The following TJP1 variants were observed in gnomAD, a reference collection of about 807,000 sequenced individuals.
The protein encoded by TJP1 is tight junction protein 1.
Under a neutral mutation model 194.2 loss-of-function variants are expected in TJP1, and 43 were observed. That is an observed-to-expected ratio of 0.22 (90% CI 0.17 to 0.29). The LOEUF is 0.29. TJP1 is among the 10% of genes least tolerant of loss of function. TJP1 has a pLI of 1.00. For synonymous variants in TJP1, 801 were observed against 779.0 expected, an observed-to-expected ratio of 1.03 and a Z score of -0.47; for missense variants, 1,971 against 2,185.7, an observed-to-expected ratio of 0.90 and a Z score of 1.96.
At position 29,766,340 on chromosome 15, in the gene TJP1, T is replaced by A. The variant is rs1221653720; in HGVS notation, c.515A>T (p.Asp172Val). ...CTGGCTGGAAGCCACTGACCGCCTG[T>A]CTGACCGCGGGGACAAGCTCCTCTC... is the stretch of plus-strand genomic sequence containing the variant. The part of the protein sequence containing the change: ...SRERSLSPRS[D>V]RRSVASSQPA... The change falls in exon 5 of 28, where the codon GAC becomes GTC. Residue 172 changes from aspartate to valine, a missense_variant. Physicochemically the swap from Asp to Val is radical, Grantham distance 152. Transcript: ENST00000614355. 6.2e-7 allele frequency: 1 copy of A among 1,614,238 alleles called. No individual in the cohort carries two copies. Among genetic ancestry groups the A allele is most frequent in the South Asian group, 1.1e-5 (1 of 91,084 alleles).
chr15:29,790,229 T>C (rs559571037), intron 2 of TJP1, among the ~76,000 whole-genome samples: 50 of 152,208 alleles, frequency 3.3e-4, no homozygotes, highest in Admixed American at 5.9e-4. Flanking sequence ...GATCCTGCTC[T>C]AGATAGTCTA....
At chr15:29,910,655 G>A (rs1183078737) in intron 2 of TJP1, among the ~76,000 whole-genome samples, 2 of 152,164 alleles carry the variant, frequency 1.3e-5, no homozygotes, top group Non-Finnish European at 2.9e-5. Flanking sequence ...AATAATACTA[G>A]TGATAAAAAT....
rs759039330 is a variant in TJP1, at chr15:29,709,049, C to A, written c.4373-13G>T. ...GACACTGAATTACCTGAAAAACAAA[C>A]GTAAGCATTTAAATAACTTTCTGAA... On this transcript the variant is annotated splice_polypyrimidine_tract_variant and intron_variant, in intron 24 of 27. Transcript: ENST00000614355. 9 of 1,594,572 alleles carry A rather than the reference C, an allele frequency of 5.6e-6. No homozygotes were observed. The African/African-American group carries it at 8.1e-5, about 14-fold the overall frequency.
upstream of TJP1, among the ~76,000 whole-genome samples, chr15:29,825,478 C>T (rs988196743): frequency 4.6e-5 from 7 of 152,100 alleles, no homozygotes; most frequent in Non-Finnish European, 7.4e-5. Flanking sequence ...TTGGTGTCTG[C>T]GGCTCAGAAT....
At chr15:29,950,391 T>G (rs570048794) in intron 2 of TJP1, among the ~76,000 whole-genome samples, 1 of 144,832 alleles carries the variant, frequency 6.9e-6, no homozygotes, top group Admixed American at 6.8e-5. Flanking sequence ...TCCACCACCA[T>G]AACCACCACC....
chr15:29,766,508 A>G lies in TJP1; in HGVS notation c.347T>C (p.Val116Ala). 3 of 1,586,270 alleles carry G rather than the reference A, an allele frequency of 1.9e-6. No homozygotes were observed. The highest frequency in any genetic ancestry group is 2.6e-6 in the Non-Finnish European group (3 of 1,166,706). Reference sequence around the variant, plus strand: ...TACTGGTTCAGGATCAGGACGACTTACTGGTATTTGAACTTTCTTCTTCCT... The same window carrying G: ...TACTGGTTCAGGATCAGGACGACTTGCTGGTATTTGAACTTTCTTCTTCCT... ...IRRKKKVQIP[V>A]SRPDPEPVSD... Residue 116 changes from valine to alanine, a missense_variant, in exon 5 of 28, where the codon GTA becomes GCA. Around this residue, in one of 5 missense-constraint regions of TJP1, gnomAD observed 245 missense variants for 336.6 expected, o/e 0.73. Transcript: ENST00000614355.
At chr15:29,704,387 A>C in intron 26 of TJP1, 82 bp from the exon 27 acceptor site, 1 of 1,487,560 alleles carries the variant, frequency 6.7e-7, no homozygotes, top group Non-Finnish European at 9.1e-7. Context: ...CCTGCTTCTA[A>C]TTATATGCTT....
intron 2 of TJP1, among the ~76,000 whole-genome samples, chr15:29,886,160 A>T (rs2053108606): frequency 6.6e-6 from 1 of 152,270 alleles, no homozygotes; most frequent in African/African-American, 2.4e-5. Context: ...CTTAAACATC[A>T]GCAGTGTAGA....
At chr15:29,909,747 G>A (rs892588258) in intron 2 of TJP1, among the ~76,000 whole-genome samples, 4 of 151,814 alleles carry the variant, frequency 2.6e-5, no homozygotes, top group African/African-American at 4.8e-5. Flanking sequence ...TGAGGTGAGC[G>A]GGGCATCCTA....
At chr15:29,746,987 T>G (rs2044833028) in intron 8 of TJP1, among the ~76,000 whole-genome samples, 1 of 151,482 alleles carries the variant, frequency 6.6e-6, no homozygotes, top group East Asian at 1.9e-4. Flanking sequence ...GATTGGCCGG[T>G]TAAATATGCA....
At chr15:29,843,176 T>A (rs1336557305) in intron 2 of TJP1, among the ~76,000 whole-genome samples, 1 of 139,142 alleles carries the variant, frequency 7.2e-6, no homozygotes, top group Non-Finnish European at 1.6e-5. Context: ...TTTTTTTTCT[T>A]TTTTCTTTTC....
At chr15:29,861,132 C>A (rs2052065972) in intron 2 of TJP1, among the ~76,000 whole-genome samples, 1 of 152,156 alleles carries the variant, frequency 6.6e-6, no homozygotes, top group Non-Finnish European at 1.5e-5. Flanking sequence ...GTTTTCAATT[C>A]TCTTGGGTAT....
intron 8 of TJP1, among the ~76,000 whole-genome samples, chr15:29,749,071 T>A (rs78856299): frequency 0.023 from 3,515 of 152,168 alleles, 48 homozygotes; most frequent in South Asian, 0.053. Context: ...AAGGAAACTT[T>A]GGGCATTTTA....
intron 8 of TJP1, among the ~76,000 whole-genome samples, chr15:29,751,336 A>G (rs1240871379): frequency 3.3e-5 from 5 of 152,226 alleles, no homozygotes. Flanking sequence ...TAAAACATAC[A>G]TGTGTTCATG....
Position 29,907,783 on chromosome 15 carries a change from C to T in TJP1, c.306+48449G>A, listed in dbSNP as rs572554115. Among the ~76,000 whole-genome samples, 399 of 152,072 alleles carry T rather than the reference C, an allele frequency of 2.6e-3. 1 individual carries two copies. Among genetic ancestry groups the T allele is most frequent in the Non-Finnish European group, 3.9e-3 (263 of 68,006 alleles). ...ACCTCTTCCATTCCTCCCAGCTTCCCCCAGGTTCCCGCGACCTCTTTTTCT... is the reference window on the plus strand; with the variant it reads ...ACCTCTTCCATTCCTCCCAGCTTCCTCCAGGTTCCCGCGACCTCTTTTTCT... On this transcript the variant is annotated intron_variant, in intron 2 of 28. Transcript: ENST00000356107.
chr15:29,840,505 G>A (rs556974204), intron 2 of TJP1, among the ~76,000 whole-genome samples: 40 of 152,258 alleles, frequency 2.6e-4, no homozygotes, highest in African/African-American at 8.7e-4. Flanking sequence ...AGACAGGCTC[G>A]GCAGACTTTC....
At chr15:29,755,861 C>T (rs2045610812) in intron 8 of TJP1, among the ~76,000 whole-genome samples, 2 of 152,098 alleles carry the variant, frequency 1.3e-5, no homozygotes, top group Admixed American at 6.5e-5. Context: ...CAATTTCATC[C>T]TGTTAGTCTG....
At chr15:29,808,607 A>G (rs45477696) in intron 1 of TJP1, among the ~76,000 whole-genome samples, 1,613 of 152,316 alleles carry the variant, frequency 0.011, 15 homozygotes, top group Non-Finnish European at 0.015. Flanking sequence ...TTAAAAAATG[A>G]TAAGTGCTGG....
At chr15:29,745,572 G>T (rs1483342408) in intron 8 of TJP1, among the ~76,000 whole-genome samples, 1 of 152,086 alleles carries the variant, frequency 6.6e-6, no homozygotes, top group Non-Finnish European at 1.5e-5. Flanking sequence ...CACAGGAAAA[G>T]ATATTATAAA....
Sources: allele counts gnomAD v4.1 joint callset (sites outside exome capture counted in the v4.1 genomes callset), GRCh38; gene constraint gnomAD v4.1.1; regional missense constraint gnomAD v4.1.1; transcripts MANE v1.5; gene names NCBI Gene and HGNC (gene_info 2026-07-23, HGNC 2026-07-21).